BABAM2: variants seen among roughly 807,000 people sequenced by gnomAD.
The protein encoded by BABAM2 is BRISC and BRCA1-A complex member 2.
In BABAM2, 31 loss-of-function variants were observed where a neutral mutation model predicts 54.7. That is an observed-to-expected ratio of 0.57 (90% CI 0.43 to 0.77). The LOEUF (loss-of-function observed/expected upper bound fraction) is 0.77. BABAM2 is among the 30% of genes least tolerant of loss of function. The probability of loss-of-function intolerance (pLI) is 0.00; values close to 1 mark genes in which losing one functional copy is unlikely to be tolerated. For missense variants in BABAM2, 364 were observed against 455.8 expected (o/e 0.80, Z 1.83); for synonymous variants, 167 against 162.9 (o/e 1.03, Z -0.19).
chr2:27,940,847 G>A (rs1264782119), intron 3 of BABAM2, among the ~76,000 whole-genome samples: 6 of 152,240 alleles, frequency 3.9e-5, no homozygotes, highest in East Asian at 1.9e-4. Flanking sequence ...AGACATAGTC[G>A]CCAGTCAGCA....
chr2:28,290,935 T>A (rs1177376801), intron 10 of BABAM2, among the ~76,000 whole-genome samples: 2 of 152,200 alleles, frequency 1.3e-5, no homozygotes, highest in African/African-American at 4.8e-5. Flanking sequence ...ATGCTACAGT[T>A]ATCAGAAATT....
intron 11 of BABAM2, among the ~76,000 whole-genome samples, chr2:28,305,990 G>A (rs1321165870): frequency 2.0e-5 from 3 of 151,986 alleles, no homozygotes; most frequent in African/African-American, 4.8e-5. Context: ...TGAACCATGG[G>A]TTATTTATAG....
chr2:28,293,959 G>T lies in BABAM2; in HGVS notation c.935-4379G>T, dbSNP rs150017360. On this transcript the variant is annotated intron_variant, in intron 10 of 11. Coordinates refer to ENST00000379624, the MANE Select transcript of BABAM2 (RefSeq NM_199191.3). The stretch of plus-strand genomic sequence containing the variant: ...CCTCTGTGGATGAAGAGCCAACCAA[G>T]ATTTAGTCTCTGTATATGGGAAGAA... 2.0e-3 allele frequency among the ~76,000 whole-genome samples: 309 copies of T among 152,354 alleles called. 1 individual carries two copies. The highest frequency in any genetic ancestry group is 6.7e-3 in the African/African-American group (279 of 41,588).
intron 7 of BABAM2, among the ~76,000 whole-genome samples, chr2:28,224,734 A>G (rs1007653688): frequency 2.6e-5 from 4 of 151,574 alleles, no homozygotes; most frequent in Non-Finnish European, 5.9e-5. Flanking sequence ...TCATTTTCCT[A>G]TTAAGCTCTG....
intron 6 of BABAM2, among the ~76,000 whole-genome samples, chr2:28,125,894 G>T (rs1314999127): frequency 1.3e-5 from 2 of 152,164 alleles, no homozygotes; most frequent in Non-Finnish European, 2.9e-5. Context: ...AAAAGCAGTT[G>T]ATAGAGCGAT....
At chr2:28,234,136 G>A (rs115306445) in intron 7 of BABAM2, among the ~76,000 whole-genome samples, 1,578 of 152,238 alleles carry the variant, frequency 0.01, 15 homozygotes, top group Non-Finnish European at 0.018. Flanking sequence ...TTCAGATCTT[G>A]GTTTTACCTA....
chr2:28,207,389 C>T (rs1451201048), intron 7 of BABAM2, among the ~76,000 whole-genome samples: 2 of 150,972 alleles, frequency 1.3e-5, no homozygotes, highest in East Asian at 3.9e-4. Flanking sequence ...GGAAAAACAG[C>T]AGCAGCAACA....
chr2:28,060,290 A>G (rs1014466699), intron 6 of BABAM2, among the ~76,000 whole-genome samples: 1 of 152,204 alleles, frequency 6.6e-6, no homozygotes, highest in South Asian at 2.1e-4. Flanking sequence ...ATTTGACAAA[A>G]TTGAGCATAT....
intron 4 of BABAM2, among the ~76,000 whole-genome samples, chr2:28,015,525 A>G (rs1270630235): frequency 6.6e-6 from 1 of 152,170 alleles, no homozygotes; most frequent in Non-Finnish European, 1.5e-5. Flanking sequence ...ATTATCTACC[A>G]GAGTTATCAA....
At chr2:28,296,918 C>A (rs1687741456) in intron 10 of BABAM2, among the ~76,000 whole-genome samples, 1 of 152,114 alleles carries the variant, frequency 6.6e-6, no homozygotes, top group South Asian at 2.1e-4. Flanking sequence ...GAACTCCTGA[C>A]CTCAGGTAAT....
chr2:28,167,693 C>CA (rs373375104), intron 7 of BABAM2, among the ~76,000 whole-genome samples: 42 of 103,876 alleles, frequency 4.0e-4, no homozygotes, highest in Non-Finnish European at 5.9e-4. Flanking sequence ...GACTCCATCT[C>CA]AAAAAAATAA....
At chr2:28,194,065 A>G (rs564774541) in intron 7 of BABAM2, among the ~76,000 whole-genome samples, 2 of 152,300 alleles carry the variant, frequency 1.3e-5, no homozygotes, top group East Asian at 3.9e-4. Flanking sequence ...TTAGCCACTC[A>G]GAGAGCGGGC....
At chr2:28,097,588 G>C (rs1666736601) in intron 6 of BABAM2, among the ~76,000 whole-genome samples, 1 of 151,966 alleles carries the variant, frequency 6.6e-6, no homozygotes, top group African/African-American at 2.4e-5. Context: ...GTTACATTGA[G>C]CTCTTCTGTG....
intron 3 of BABAM2, among the ~76,000 whole-genome samples, chr2:27,947,264 A>G (rs1271648505): frequency 6.6e-6 from 1 of 150,904 alleles, no homozygotes; most frequent in Non-Finnish European, 1.5e-5. Flanking sequence ...ATATTTTAGG[A>G]TTTTATTTTG....
At chr2:28,139,527 C>T (rs1670864400) in intron 7 of BABAM2, among the ~76,000 whole-genome samples, 4 of 151,746 alleles carry the variant, frequency 2.6e-5, no homozygotes. Flanking sequence ...TTAGATTGCA[C>T]CACTGCACTC....
Position 28,338,447 on chromosome 2 carries a change from C to G in BABAM2, c.1089-3C>G. ...TTTTTTTTCTCCCCTTCTTTCCCAC[C>G]AGGGCTTATTTCAAAACCTTTGTCC... On this transcript the variant is annotated splice_region_variant and splice_polypyrimidine_tract_variant and intron_variant, in intron 11 of 11. Transcript: ENST00000379624. The G allele has an allele frequency of 1.2e-6, 2 of 1,613,906 alleles. No homozygotes were observed. The highest frequency in any genetic ancestry group is 8.5e-7 in the Non-Finnish European group (1 of 1,179,836).
At chr2:28,119,857 T>A (rs968716156) in intron 6 of BABAM2, among the ~76,000 whole-genome samples, 8 of 152,122 alleles carry the variant, frequency 5.3e-5, no homozygotes, top group Non-Finnish European at 8.8e-5. Flanking sequence ...CTGTAGGAAG[T>A]AGCTATTTCA....
intron 11 of BABAM2, among the ~76,000 whole-genome samples, chr2:28,301,324 A>T (rs1032538617): frequency 1.6e-4 from 25 of 152,190 alleles, no homozygotes; most frequent in African/African-American, 5.8e-4. Flanking sequence ...TTTTCCTACC[A>T]CATGTGCTTC....
At chr2:27,913,396 C>A (rs867674412) in intron 2 of BABAM2, among the ~76,000 whole-genome samples, 1 of 152,164 alleles carries the variant, frequency 6.6e-6, no homozygotes, top group Non-Finnish European at 1.5e-5. Context: ...CTTAAGAATT[C>A]TATCTCAGAG....
Sources: allele counts gnomAD v4.1 joint callset (sites outside exome capture counted in the v4.1 genomes callset), GRCh38; gene constraint gnomAD v4.1.1; transcripts MANE v1.5; gene names NCBI Gene and HGNC (gene_info 2026-07-23, HGNC 2026-07-21).